The following GSTA3 variants were observed in gnomAD, a reference collection of about 807,000 sequenced individuals.
GSTA3 encodes glutathione S-transferase A3.
GSTA3 carries 16 observed loss-of-function variants against 23.1 expected under a neutral mutation model. That is an observed-to-expected ratio of 0.69 (90% CI 0.47 to 1.05). The LOEUF is 1.05. Ranked by LOEUF, GSTA3 falls within the 50% of genes least tolerant of loss-of-function variation. The probability of loss-of-function intolerance (pLI) is 0.00; values close to 1 mark genes in which losing one functional copy is unlikely to be tolerated. For synonymous variants in GSTA3, 122 were observed against 91.0 expected (o/e 1.34, Z -1.94); for missense variants, 319 against 263.6 (o/e 1.21, Z -1.46).
intron 4 of GSTA3, among the ~76,000 whole-genome samples, chr6:52,901,432 T>C (rs1037645757): frequency 1.3e-5 from 2 of 152,234 alleles, no homozygotes; most frequent in Admixed American, 6.5e-5. Flanking sequence ...AAGGTTCAAC[T>C]TTCTTGTAGC....
chr6:52,899,828 G>A, intron 5 of GSTA3, 106 bp downstream of exon 5: 7 of 1,046,424 alleles, frequency 6.7e-6, no homozygotes, highest in Non-Finnish European at 8.8e-6. Context: ...TTGGTGTTCA[G>A]GAAGTCTCAC....
At position 52,899,997 on chromosome 6, in the gene GSTA3, T is replaced by A. The variant is rs202091631; in HGVS notation, c.351A>T (p.Lys117Asn). 2 of 1,613,396 alleles carry A rather than the reference T, an allele frequency of 1.2e-6. No individual in the cohort carries two copies. Among genetic ancestry groups the A allele is most frequent in the Admixed American group, 3.3e-5 (2 of 59,980 alleles). ...CTTTGATCAAGGCAATCTTGGCATC[T>A]TTTTCCTCAGGTCGACATAAGGGCA... ...LLLPLCRPEEKDAKIALIKEK... is the reference protein window; with the variant it reads ...LLLPLCRPEENDAKIALIKEK... The change falls in exon 5 of 7, where the codon AAA becomes AAT. Residue 117 changes from lysine (K) to asparagine (N), a missense_variant. Transcript: ENST00000211122.
At chr6:52,900,904 T>C (rs1459897260) in intron 4 of GSTA3, among the ~76,000 whole-genome samples, 1 of 152,196 alleles carries the variant, frequency 6.6e-6, no homozygotes, top group East Asian at 1.9e-4. Flanking sequence ...ATATTAGCAG[T>C]TTTTCCAATT....
chr6:52,901,354 C>T (rs973622906), intron 4 of GSTA3, among the ~76,000 whole-genome samples: 4 of 152,228 alleles, frequency 2.6e-5, no homozygotes, highest in South Asian at 2.1e-4. Context: ...ATATTCTAGA[C>T]ATTTCATACA....
Position 52,896,818 on chromosome 6 carries a change from A to G in GSTA3, c.657T>C (p.Ile219=). Residue 219 remains isoleucine (I), a synonymous_variant, in exon 7 of 7, where the codon ATT becomes ATC. Transcript: ENST00000211122. The part of the protein sequence containing the change: ...DAKALEEARK[I]FRF ...CATGGCTGCTTTATTAAAACCTGAA[A>G]ATCTTTCTGGCTTCTTCTAAAGCTT... is the stretch of plus-strand genomic sequence containing the variant. 1 of 1,613,972 alleles carries G rather than the reference A, an allele frequency of 6.2e-7. No homozygotes were observed. The highest frequency in any genetic ancestry group is 1.1e-5 in the South Asian group (1 of 91,062).
chr6:52,901,205 T>G (rs938454356), intron 4 of GSTA3, among the ~76,000 whole-genome samples: 23 of 152,214 alleles, frequency 1.5e-4, no homozygotes, highest in African/African-American at 5.1e-4. Context: ...ATTCTGCAAA[T>G]ATCATCACAC....
intron 5 of GSTA3, 129 bp from the exon 6 acceptor site, chr6:52,898,085 CTT>C: frequency 9.5e-7 from 1 of 1,049,996 alleles, no homozygotes; most frequent in Non-Finnish European, 1.4e-6. Context: ...AGGTCCAGGC[CTT>C]TGTTTATGTT....
intron 5 of GSTA3, among the ~76,000 whole-genome samples, chr6:52,898,747 A>G (rs1765554387): frequency 6.6e-6 from 1 of 152,190 alleles, no homozygotes; most frequent in African/African-American, 2.4e-5. Flanking sequence ...CAGCAAGGCA[A>G]GGTACTTCTA....
At chr6:52,903,369 C>T (rs1013229117) in intron 3 of GSTA3, among the ~76,000 whole-genome samples, 49 of 150,352 alleles carry the variant, frequency 3.3e-4, no homozygotes, top group East Asian at 7.8e-4. Context: ...GGGCGGATCA[C>T]GAGGTCAGGA....
At chr6:52,900,359 T>G (rs1362985571) in intron 4 of GSTA3, among the ~76,000 whole-genome samples, 1 of 150,252 alleles carries the variant, frequency 6.7e-6, no homozygotes, top group Non-Finnish European at 1.5e-5. Context: ...GCCTCCAGGG[T>G]TCAAGTGATT....
At chr6:52,898,959 T>A (rs1482508602) in intron 5 of GSTA3, among the ~76,000 whole-genome samples, 2 of 151,956 alleles carry the variant, frequency 1.3e-5, no homozygotes, top group African/African-American at 4.8e-5. Flanking sequence ...AATGACGGGG[T>A]GAGTGCTTTG....
At chr6:52,907,415 C>T (rs1289351495) in intron 1 of GSTA3, among the ~76,000 whole-genome samples, 12 of 146,282 alleles carry the variant, frequency 8.2e-5, no homozygotes, top group South Asian at 2.2e-4. Context: ...GTCAGTGTGG[C>T]GATTCCTCAG....
rs1561949213 is a variant in GSTA3 at position 52,896,936 on chromosome 6, T to A, written c.547-8A>T. The A allele has an allele frequency of 6.2e-7, 1 of 1,613,762 alleles. No homozygotes were observed. Among genetic ancestry groups the A allele is most frequent in the Non-Finnish European group, 8.5e-7 (1 of 1,179,818 alleles). The stretch of plus-strand genomic sequence containing the variant: ...GATTCTGGTTTTCAGGGCCTGTAAT[T>A]CACAAAGCACAGCCTCAGAGTGAAG... On this transcript the variant is annotated splice_region_variant and splice_polypyrimidine_tract_variant and intron_variant, in intron 6 of 6. Transcript: ENST00000211122.
At chr6:52,906,001 A>G (rs752315080) in intron 1 of GSTA3, 146 bp from the exon 2 acceptor site, 32 of 477,840 alleles carry the variant, frequency 6.7e-5, no homozygotes, top group Non-Finnish European at 1.1e-4. Flanking sequence ...TGTTTGCACT[A>G]GACAGGTCCA....
chr6:52,908,994 GAGAAGGAGGGA>G (rs1265448943), intron 1 of GSTA3, among the ~76,000 whole-genome samples: 1 of 152,126 alleles, frequency 6.6e-6, no homozygotes, highest in African/African-American at 2.4e-5. Context: ...AGAGAACAAA[GAGAAGGAGGGA>G]AGAAGGAGGA....
rs988038160 is a variant in GSTA3, at chr6:52,909,687, C to G, written c.-68G>C. ...TCCGCTCAGCTTCTCAAGGCCACCT[C>G]CTGATGTGTATGTTAGCTGTTTTAA... On this transcript the variant is annotated 5_prime_UTR_variant, in exon 1 of 7. Coordinates refer to ENST00000211122, the MANE Select transcript of GSTA3 (RefSeq NM_000847.5). 6.6e-6 allele frequency: 1 copy of G among 152,190 alleles called. No homozygotes were observed. The highest frequency in any genetic ancestry group is 6.5e-5 in the Admixed American group (1 of 15,272). 9.4% of individuals were successfully genotyped at this position (152,190 alleles called of 1,614,324 possible). A position where few individuals can be genotyped will look rare whatever the true frequency, so the allele number is the denominator to read the frequency against.
At chr6:52,904,141 C>T (rs1765805955) in intron 2 of GSTA3, among the ~76,000 whole-genome samples, 2 of 152,084 alleles carry the variant, frequency 1.3e-5, no homozygotes, top group Non-Finnish European at 2.9e-5. Flanking sequence ...CATGCACCAT[C>T]ACATCCAGCT....
rs1031125513 is a variant in GSTA3 at position 52,902,257 on chromosome 6, T to C, written c.272+89A>G. ...CCAAGGCCCAGCCTGCTCCTGGTCA[T>C]GATGCCCTGTCATGGTCTCACCCAC... On this transcript the variant is annotated intron_variant, in intron 4 of 6. Coordinates refer to ENST00000211122, the MANE Select transcript of GSTA3 (RefSeq NM_000847.5). The C allele has an allele frequency of 3.3e-5, 50 of 1,526,744 alleles. No individual in the cohort carries two copies. The East Asian group carries it at 7.7e-4, about 23-fold the overall frequency. 94.6% of individuals were successfully genotyped at this position (1,526,744 alleles called of 1,614,324 possible).
intron 5 of GSTA3, 95 bp downstream of exon 5, chr6:52,899,839 T>C (rs1765604551): frequency 8.4e-7 from 1 of 1,190,150 alleles, no homozygotes; most frequent in Non-Finnish European, 1.2e-6. Flanking sequence ...GAAGTCTCAC[T>C]GAAAGTGAAG....
Sources: allele counts gnomAD v4.1 joint callset (sites outside exome capture counted in the v4.1 genomes callset), GRCh38; gene constraint gnomAD v4.1.1; transcripts MANE v1.5; gene names NCBI Gene and HGNC (gene_info 2026-07-23, HGNC 2026-07-21).